Variants in TOX3 observed in about 807,000 individuals in gnomAD.
TOX3 encodes the protein TOX high mobility group box family member 3, also known as CAG trinucleotide repeat-containing gene F9 protein.
In TOX3, 22 loss-of-function variants were observed where a neutral mutation model predicts 64.3. That is an observed-to-expected ratio of 0.34 (90% confidence interval 0.24 to 0.49). TOX3 has a LOEUF of 0.49. Ranked by LOEUF, TOX3 falls within the 20% of genes least tolerant of loss-of-function variation. The probability of loss-of-function intolerance (pLI) is 0.99; values close to 1 mark genes in which losing one functional copy is unlikely to be tolerated. For synonymous variants in TOX3, 291 were observed against 273.6 expected (o/e 1.06, Z -0.63); for missense variants, 661 against 714.4 (o/e 0.93, Z 0.85).
intron 1 of TOX3, among the ~76,000 whole-genome samples, chr16:52,526,314 A>G (rs2151481676): frequency 6.6e-6 from 1 of 152,318 alleles, no homozygotes; most frequent in Middle Eastern, 3.4e-3. Flanking sequence ...ATGAGGGCAC[A>G]CTGAATTAAA....
intron 3 of TOX3, among the ~76,000 whole-genome samples, chr16:52,458,830 G>C (rs1231426924): frequency 1.3e-5 from 2 of 152,154 alleles, no homozygotes; most frequent in Non-Finnish European, 1.5e-5. Context: ...AAAAGTGTCT[G>C]TGGCCTGGGT....
At chr16:52,453,793 G>T (rs535482714) in intron 3 of TOX3, among the ~76,000 whole-genome samples, 31 of 152,220 alleles carry the variant, frequency 2.0e-4, no homozygotes, top group Middle Eastern at 3.4e-3. Flanking sequence ...TGTCTCCTTG[G>T]CTTTGTCAGC....
intron 2 of TOX3, 95 bp downstream of exon 2, chr16:52,468,414 G>A (rs1960929419): frequency 5.3e-6 from 6 of 1,125,658 alleles, no homozygotes; most frequent in Non-Finnish European, 7.9e-6. Flanking sequence ...ACATAAGAGA[G>A]AGATAAATTT....
chr16:52,533,129 G>A (rs557555436), intron 1 of TOX3, among the ~76,000 whole-genome samples: 1 of 152,320 alleles, frequency 6.6e-6, no homozygotes, highest in South Asian at 2.1e-4. Context: ...ATCATTCAGA[G>A]AGATGTTGAA....
chr16:52,506,393 G>A (rs186262058), intron 1 of TOX3, among the ~76,000 whole-genome samples: 3 of 152,290 alleles, frequency 2.0e-5, no homozygotes, highest in East Asian at 1.9e-4. Flanking sequence ...TCTCAAAGGT[G>A]AGAAATCAAC....
intron 3 of TOX3, among the ~76,000 whole-genome samples, chr16:52,462,787 G>A (rs1960730483): frequency 6.6e-6 from 1 of 151,004 alleles, no homozygotes; most frequent in Non-Finnish European, 1.5e-5. Flanking sequence ...GTCTAGTAAC[G>A]TTTATGAATA....
chr16:52,470,507 A>G (rs1347297906), intron 1 of TOX3, among the ~76,000 whole-genome samples: 2 of 152,262 alleles, frequency 1.3e-5, no homozygotes, highest in African/African-American at 4.8e-5. Context: ...TAAAATGGCT[A>G]TTAAACTAAA....
chr16:52,513,527 G>T (rs1962367523), intron 1 of TOX3, among the ~76,000 whole-genome samples: 1 of 152,162 alleles, frequency 6.6e-6, no homozygotes, highest in African/African-American at 2.4e-5. Flanking sequence ...GTTAACATGG[G>T]ATAATATATG....
At chr16:52,524,151 A>G (rs1330325832) in intron 1 of TOX3, among the ~76,000 whole-genome samples, 1 of 152,218 alleles carries the variant, frequency 6.6e-6, no homozygotes, top group Non-Finnish European at 1.5e-5. Flanking sequence ...CACTGTGGAC[A>G]TTAAGATGCC....
intron 1 of TOX3, among the ~76,000 whole-genome samples, chr16:52,516,926 A>C (rs981297724): frequency 2.0e-5 from 3 of 152,198 alleles, no homozygotes; most frequent in African/African-American, 7.2e-5. Flanking sequence ...CCGACCAAAA[A>C]AACCAAAACT....
chr16:52,525,230 TA>T (rs1417465226), intron 1 of TOX3, among the ~76,000 whole-genome samples: 2 of 152,086 alleles, frequency 1.3e-5, no homozygotes, highest in African/African-American at 2.4e-5. Context: ...CTTCTTTGAG[TA>T]TACTAAAGAT....
intron 1 of TOX3, among the ~76,000 whole-genome samples, chr16:52,522,416 C>A (rs1596856396): frequency 6.6e-6 from 1 of 152,322 alleles, no homozygotes; most frequent in East Asian, 1.9e-4. Context: ...CCTCAGACAA[C>A]ACTACTCTAG....
At chr16:52,505,919 T>C (rs529577514) in intron 1 of TOX3, among the ~76,000 whole-genome samples, 2 of 152,270 alleles carry the variant, frequency 1.3e-5, no homozygotes, top group South Asian at 2.1e-4. Flanking sequence ...GCGGCTGTAG[T>C]GAGCCATGAT....
intron 1 of TOX3, among the ~76,000 whole-genome samples, chr16:52,492,772 C>A (rs1292965334): frequency 2.0e-5 from 3 of 150,876 alleles, no homozygotes; most frequent in Admixed American, 6.6e-5. Context: ...AAAAAAAAGA[C>A]CCTATCTTTG....
intron 1 of TOX3, 113 bp downstream of exon 1, chr16:52,546,524 A>G: frequency 1.1e-6 from 1 of 920,498 alleles, no homozygotes; most frequent in Non-Finnish European, 1.6e-6. Flanking sequence ...TAGAAGAGAC[A>G]TGGGAGGAAA....
In TOX3 at chr16:52,450,473, G is replaced by A. The variant is rs781570038; in HGVS notation, c.482C>T (p.Thr161Ile). Residue 161 changes from threonine (T) to isoleucine (I), a missense_variant, in exon 4 of 7, where the codon ACC becomes ATC. Physicochemically the swap from Thr to Ile is moderately conservative, Grantham distance 89. Around this residue, in one of 3 missense-constraint regions of TOX3, gnomAD observed 259 missense variants for 261.2 expected, o/e 0.99. Transcript: ENST00000219746. The part of the protein sequence containing the change: ...SLIMRSIVHM[T>I]DAARSGVMPP... ...CATGACCCCAGAACGCGCAGCATCG[G>A]TCATGTGGACGATGGACCGCATGAT... The A allele has an allele frequency of 1.9e-6, 3 of 1,614,022 alleles. No individual in the cohort carries two copies. The highest frequency in any genetic ancestry group is 2.2e-5 in the South Asian group (2 of 91,090).
chr16:52,498,987 G>C (rs1354971925), intron 1 of TOX3, among the ~76,000 whole-genome samples: 3 of 152,184 alleles, frequency 2.0e-5, no homozygotes, highest in Non-Finnish European at 2.9e-5. Flanking sequence ...CACAATGAGC[G>C]AGTTTCATCA....
At chr16:52,485,502 T>C (rs992391959) in intron 1 of TOX3, among the ~76,000 whole-genome samples, 7 of 151,962 alleles carry the variant, frequency 4.6e-5, no homozygotes, top group South Asian at 2.1e-4. Flanking sequence ...TGGGGGGTGA[T>C]GAAGGTTGCA....
chr16:52,470,503 G>T (rs1339626546), intron 1 of TOX3, among the ~76,000 whole-genome samples: 1 of 151,962 alleles, frequency 6.6e-6, no homozygotes, highest in Non-Finnish European at 1.5e-5. Flanking sequence ...AAAATAAAAT[G>T]GCTATTAAAC....
Sources: gnomAD v4.1 joint callset for allele counts (sites outside exome capture counted in the v4.1 genomes callset) on GRCh38, gnomAD v4.1.1 for gene constraint, gnomAD v4.1.1 regional missense constraint, MANE v1.5 for transcripts, NCBI Gene and HGNC (gene_info 2026-07-23, HGNC 2026-07-21) for gene names.